The following BBS9 variants were observed in gnomAD, a reference collection of about 807,000 sequenced individuals.
BBS9 encodes Bardet-Biedl syndrome 9.
In BBS9, 89 loss-of-function variants were observed where a neutral mutation model predicts 117.7. The ratio of observed to expected loss-of-function variants is 0.76; its 90% CI spans 0.64 to 0.90. BBS9 has a LOEUF of 0.90. BBS9 is among the 40% of genes least tolerant of loss of function. The pLI, the probability that BBS9 is intolerant of heterozygous loss-of-function variation, is 0.00. For synonymous variants in BBS9, 379 were observed against 370.9 expected, an observed-to-expected ratio of 1.02 and a Z score of -0.25; for missense variants, 982 against 1,042.2, an observed-to-expected ratio of 0.94 and a Z score of 0.80.
intron 7 of BBS9, among the ~76,000 whole-genome samples, chr7:33,271,497 C>T (rs1169815300): frequency 6.6e-6 from 1 of 152,102 alleles, no homozygotes; most frequent in East Asian, 1.9e-4. Flanking sequence ...CACCTGTAGG[C>T]TCAAAATAAA....
intron 19 of BBS9, among the ~76,000 whole-genome samples, chr7:33,453,795 C>T (rs141571457): frequency 1.3e-5 from 2 of 152,216 alleles, no homozygotes; most frequent in South Asian, 2.1e-4. Flanking sequence ...GCTGGGATTA[C>T]AGGCATGAGC....
intron 19 of BBS9, among the ~76,000 whole-genome samples, chr7:33,415,206 A>G (rs1368091762): frequency 6.6e-6 from 1 of 152,168 alleles, no homozygotes; most frequent in Non-Finnish European, 1.5e-5. Flanking sequence ...CTGAAGTAAA[A>G]GTATGTCAGT....
intron 21 of BBS9, among the ~76,000 whole-genome samples, chr7:33,574,725 A>ACACGCG (rs1251263949): frequency 1.6e-5 from 2 of 125,842 alleles, no homozygotes; most frequent in Middle Eastern, 3.6e-3. Flanking sequence ...ACACACACAC[A>ACACGCG]CGCGCACACA....
At chr7:33,409,079 A>C (rs1830631800) in intron 19 of BBS9, among the ~76,000 whole-genome samples, 1 of 151,728 alleles carries the variant, frequency 6.6e-6, no homozygotes, top group South Asian at 2.1e-4. Flanking sequence ...TGATTCGTTT[A>C]CATTCCTTTA....
chr7:33,262,916 C>T (rs145806913), intron 6 of BBS9, among the ~76,000 whole-genome samples: 29 of 152,236 alleles, frequency 1.9e-4, no homozygotes, highest in African/African-American at 5.8e-4. Context: ...TACGTGCATA[C>T]CTTCTGTTAA....
chr7:33,254,212 C>G (rs899271780), intron 5 of BBS9, among the ~76,000 whole-genome samples: 2 of 151,938 alleles, frequency 1.3e-5, no homozygotes, highest in African/African-American at 4.8e-5. Flanking sequence ...GTGTCTTCAC[C>G]CCCTTTCTAA....
At chr7:33,425,320 T>G (rs1486507921) in intron 19 of BBS9, among the ~76,000 whole-genome samples, 7 of 152,208 alleles carry the variant, frequency 4.6e-5, no homozygotes, top group Admixed American at 2.0e-4. Flanking sequence ...ATGATGATAA[T>G]ACAAACAGGC....
intron 19 of BBS9, among the ~76,000 whole-genome samples, chr7:33,456,979 A>G (rs1283287101): frequency 6.6e-6 from 1 of 152,208 alleles, no homozygotes; most frequent in Non-Finnish European, 1.5e-5. Flanking sequence ...ATTAAGTGGG[A>G]CAAGGAGTAA....
intron 6 of BBS9, among the ~76,000 whole-genome samples, chr7:33,260,305 AT>A (rs1797775084): frequency 6.6e-6 from 1 of 152,158 alleles, no homozygotes; most frequent in East Asian, 1.9e-4. Flanking sequence ...CCCGGCCTAG[AT>A]ATTTTATTAT....
chr7:33,288,791 C>T lies in BBS9; in HGVS notation c.1016+14835C>T, dbSNP rs187004277. Among the ~76,000 whole-genome samples the T allele has an allele frequency of 5.3e-5, 8 of 152,146 alleles. No homozygotes were observed. The East Asian group carries it at 1.2e-3, about 22-fold the overall frequency. ...TAATAGCAATTTGTATCATTATGTGCCAGGCAATATTCTGAATTCTTTGGA... is the reference window on the plus strand; with the variant it reads ...TAATAGCAATTTGTATCATTATGTGTCAGGCAATATTCTGAATTCTTTGGA... On this transcript the variant is annotated intron_variant, in intron 9 of 22. Transcript: ENST00000242067.
chr7:33,425,505 C>G (rs935580235), intron 19 of BBS9, among the ~76,000 whole-genome samples: 2 of 152,172 alleles, frequency 1.3e-5, no homozygotes, highest in African/African-American at 2.4e-5. Context: ...CTCCCTCCCC[C>G]ACAGCCCCCT....
Position 33,440,079 on chromosome 7 carries a change from G to A in BBS9, c.2115+51935G>A, listed in dbSNP as rs568315857. On this transcript the variant is annotated intron_variant, in intron 19 of 22. Transcript: ENST00000242067. ...AAAAGGCTTAGACGTTAGGGCTGGC[G>A]GTTTTCCAGCTTTGTGATCATGGAA... is the stretch of plus-strand genomic sequence containing the variant. Among the ~76,000 whole-genome samples, 25 of 152,202 alleles carry A rather than the reference G, an allele frequency of 1.6e-4. 1 individual carries two copies. In the South Asian group the frequency reaches 2.7e-3, roughly 16 times the overall value.
At chr7:33,568,035 A>C (rs1857183321) in intron 21 of BBS9, among the ~76,000 whole-genome samples, 1 of 152,172 alleles carries the variant, frequency 6.6e-6, no homozygotes. Flanking sequence ...ATACTTCAGA[A>C]CACATAGAAA....
At chr7:33,478,671 T>G (rs987526275) in intron 19 of BBS9, among the ~76,000 whole-genome samples, 1 of 152,218 alleles carries the variant, frequency 6.6e-6, no homozygotes, top group Non-Finnish European at 1.5e-5. Context: ...TTGTAATTTT[T>G]TTTTTTACTT....
intron 5 of BBS9, among the ~76,000 whole-genome samples, chr7:33,186,326 GA>G (rs1783123785): frequency 6.6e-6 from 1 of 152,154 alleles, no homozygotes; most frequent in African/African-American, 2.4e-5. Flanking sequence ...AGTGTTCTAA[GA>G]GCTTTTACAG....
At chr7:33,414,335 C>T (rs762805710) in intron 19 of BBS9, among the ~76,000 whole-genome samples, 2 of 152,014 alleles carry the variant, frequency 1.3e-5, no homozygotes, top group Non-Finnish European at 2.9e-5. Flanking sequence ...TTTACAAAGG[C>T]CCCTTTCAGA....
chr7:33,347,192 A>G (rs1452739993), intron 12 of BBS9, among the ~76,000 whole-genome samples: 1 of 152,178 alleles, frequency 6.6e-6, no homozygotes, highest in Non-Finnish European at 1.5e-5. Context: ...AAATTAAATA[A>G]TGGCACGTAA....
chr7:33,467,749 T>C (rs1419916), intron 19 of BBS9, among the ~76,000 whole-genome samples: 117,435 of 152,078 alleles, frequency 0.77, 45,906 homozygotes, highest in African/African-American at 0.89. Context: ...TGAAAGATAA[T>C]AAATGATATG....
intron 21 of BBS9, among the ~76,000 whole-genome samples, chr7:33,577,131 A>G (rs1035984945): frequency 6.6e-6 from 1 of 152,222 alleles, no homozygotes; most frequent in African/African-American, 2.4e-5. Flanking sequence ...ACAGAATGGG[A>G]GAAAATTTTT....
Sources: gnomAD v4.1 joint callset for allele counts (sites outside exome capture counted in the v4.1 genomes callset) on GRCh38, gnomAD v4.1.1 for gene constraint, MANE v1.5 for transcripts, NCBI Gene and HGNC (gene_info 2026-07-23, HGNC 2026-07-21) for gene names.